Variants in NDFIP2 observed in about 807,000 individuals in gnomAD.
The protein encoded by NDFIP2 is Nedd4 family interacting protein 2.
In NDFIP2, 19 loss-of-function variants were observed where a neutral mutation model predicts 36.0. That is an observed-to-expected ratio of 0.53 (90% CI 0.37 to 0.77). NDFIP2 has a LOEUF of 0.77. Among genes scored for constraint, NDFIP2 ranks in the 30% least tolerant of loss-of-function variants. NDFIP2 has a pLI of 0.00. For missense variants in NDFIP2, 446 were observed against 435.8 expected, an observed-to-expected ratio of 1.02 and a Z score of -0.21; for synonymous variants, 181 against 167.7, an observed-to-expected ratio of 1.08 and a Z score of -0.61.
Position 79,533,021 on chromosome 13 carries a change from T to C in NDFIP2, c.488-302T>C, listed in dbSNP as rs148549884. Among the ~76,000 whole-genome samples, 319 of 152,334 alleles carry C rather than the reference T, an allele frequency of 2.1e-3. 2 individuals are homozygous for C. Among genetic ancestry groups the C allele is most frequent in the African/African-American group, 7.3e-3 (303 of 41,584 alleles). On this transcript the variant is annotated intron_variant, in intron 2 of 7. Coordinates refer to ENST00000218652, the MANE Select transcript of NDFIP2 (RefSeq NM_019080.3). ...CTAATAAGCACATAGAGAATACTCATATATTATGAGATTCTTACTTCTCTT... is the reference window on the plus strand; with the variant it reads ...CTAATAAGCACATAGAGAATACTCACATATTATGAGATTCTTACTTCTCTT...
chr13:79,529,103 T>C (rs1166926553), intron 2 of NDFIP2, among the ~76,000 whole-genome samples: 2 of 152,200 alleles, frequency 1.3e-5, no homozygotes. Context: ...ACAGCCCTGC[T>C]GTGTCAGTTT....
At chr13:79,486,203 TA>T (rs1872980059) in intron 1 of NDFIP2, among the ~76,000 whole-genome samples, 1 of 152,200 alleles carries the variant, frequency 6.6e-6, no homozygotes, top group Non-Finnish European at 1.5e-5. Flanking sequence ...GCATTTTAAA[TA>T]AGGGATACTC....
intron 1 of NDFIP2, among the ~76,000 whole-genome samples, chr13:79,495,531 A>G (rs1873403620): frequency 6.6e-6 from 1 of 151,768 alleles, no homozygotes; most frequent in South Asian, 2.1e-4. Flanking sequence ...GATGGCAAAA[A>G]CCACAATTAC....
intron 1 of NDFIP2, among the ~76,000 whole-genome samples, chr13:79,506,810 A>G (rs1356591316): frequency 6.6e-6 from 1 of 152,134 alleles, no homozygotes; most frequent in Non-Finnish European, 1.5e-5. Flanking sequence ...GCTATTTTAA[A>G]AAACAAAAAT....
chr13:79,555,709 TC>T lies in NDFIP2; in HGVS notation c.*3197del. The T allele has an allele frequency of 6.6e-6, 1 of 152,270 alleles. No individual in the cohort carries two copies. The highest frequency in any genetic ancestry group is 2.4e-5 in the African/African-American group (1 of 41,574). The allele number at this position is 152,270 out of a possible 1,614,324, so 9.4% of individuals were successfully genotyped here. A position where few individuals can be genotyped will look rare whatever the true frequency, so the allele number is the denominator to read the frequency against. ...GTTTATTATTTAATTCTTCAAATAG[TC>T]ATATGAAAACATATATTTGATAAAG... On this transcript the variant is annotated 3_prime_UTR_variant, in exon 8 of 8. Coordinates refer to ENST00000218652, the MANE Select transcript of NDFIP2 (RefSeq NM_019080.3).
chr13:79,501,633 C>T lies in NDFIP2; in HGVS notation c.322-19177C>T, dbSNP rs147467627. 4.6e-4 allele frequency among the ~76,000 whole-genome samples: 70 copies of T among 152,128 alleles called. 1 individual carries two copies. The East Asian group carries it at 0.012, about 27-fold the overall frequency. ...AAATTATGTGTTTAGATTTAGCGGCCAACTTTAGAGTTTTTGCTTTGGCAT... is the reference window on the plus strand; with the variant it reads ...AAATTATGTGTTTAGATTTAGCGGCTAACTTTAGAGTTTTTGCTTTGGCAT... On this transcript the variant is annotated intron_variant, in intron 1 of 7. Transcript: ENST00000218652.
intron 2 of NDFIP2, among the ~76,000 whole-genome samples, chr13:79,528,982 GTT>G (rs1368546157): frequency 2.6e-5 from 4 of 152,114 alleles, no homozygotes; most frequent in African/African-American, 7.2e-5. Flanking sequence ...TTTTTGGCTA[GTT>G]TTTATAGATC....
intron 1 of NDFIP2, among the ~76,000 whole-genome samples, chr13:79,516,165 C>T (rs997152852): frequency 6.6e-6 from 1 of 152,178 alleles, no homozygotes; most frequent in Non-Finnish European, 1.5e-5. Context: ...CTTGCCAGAT[C>T]ATCATCCAAA....
chr13:79,513,773 G>A (rs528749988), intron 1 of NDFIP2, among the ~76,000 whole-genome samples: 160 of 151,376 alleles, frequency 1.1e-3, no homozygotes, highest in African/African-American at 3.4e-3. Flanking sequence ...TGTTCAGATC[G>A]CATTGACCTA....
At chr13:79,539,997 A>G (rs1875394175) in intron 4 of NDFIP2, among the ~76,000 whole-genome samples, 3 of 152,222 alleles carry the variant, frequency 2.0e-5, no homozygotes, top group Admixed American at 1.3e-4. Flanking sequence ...CGTTGCAGCC[A>G]TTATGAAGAT....
chr13:79,516,433 G>C (rs1396519280), intron 1 of NDFIP2, among the ~76,000 whole-genome samples: 1 of 151,970 alleles, frequency 6.6e-6, no homozygotes, highest in Admixed American at 6.6e-5. Flanking sequence ...GTGTTGCCCA[G>C]GCTGGTCTTG....
In NDFIP2 at chr13:79,522,051, A is replaced by G. The variant is rs1276879011; in HGVS notation, c.487+1076A>G. On this transcript the variant is annotated intron_variant, in intron 2 of 7. Transcript: ENST00000218652. ...CACCATGTTAGCCAGGATGGTCTCT[A>G]TCTCCTGACCTCGTGATCCACCTGC... is the stretch of plus-strand genomic sequence containing the variant. 4.0e-5 allele frequency among the ~76,000 whole-genome samples: 6 copies of G among 151,732 alleles called. No homozygotes were observed. The East Asian group carries it at 1.2e-3, about 29-fold the overall frequency.
chr13:79,514,168 A>G (rs1400326209), intron 1 of NDFIP2, among the ~76,000 whole-genome samples: 1 of 152,142 alleles, frequency 6.6e-6, no homozygotes, highest in Non-Finnish European at 1.5e-5. Flanking sequence ...GTTGGTGCAA[A>G]AGTAATTGTG....
intron 2 of NDFIP2, among the ~76,000 whole-genome samples, chr13:79,530,184 C>T (rs925621664): frequency 1.3e-5 from 2 of 151,944 alleles, no homozygotes; most frequent in African/African-American, 4.8e-5. Context: ...AATTCAGTGG[C>T]GCTTTCATAG....
intron 1 of NDFIP2, among the ~76,000 whole-genome samples, chr13:79,502,989 A>T (rs2140746531): frequency 6.6e-6 from 1 of 152,210 alleles, no homozygotes; most frequent in South Asian, 2.1e-4. Context: ...GAATTTAAAG[A>T]AAAAACAATC....
intron 1 of NDFIP2, among the ~76,000 whole-genome samples, chr13:79,503,548 T>C (rs1357228251): frequency 6.6e-6 from 1 of 152,070 alleles, no homozygotes; most frequent in Non-Finnish European, 1.5e-5. Flanking sequence ...AAGGTTGGGA[T>C]AAGGAACCAA....
intron 1 of NDFIP2, 55 bp downstream of exon 1, chr13:79,481,579 A>T: frequency 6.7e-7 from 1 of 1,498,264 alleles, no homozygotes; most frequent in Non-Finnish European, 8.9e-7. Context: ...CGGCGTCCCG[A>T]GAGTCCCTTT....
chr13:79,481,281 TCTC>T lies in NDFIP2; in HGVS notation c.80_82del (p.Leu27del). 1 of 1,538,178 alleles carries T rather than the reference TCTC, an allele frequency of 6.5e-7. No individual in the cohort carries two copies. Among genetic ancestry groups the T allele is most frequent in the East Asian group, 2.4e-5 (1 of 40,846 alleles). On this transcript the variant is annotated inframe_deletion, in exon 1 of 8. Coordinates refer to ENST00000218652, the MANE Select transcript of NDFIP2 (RefSeq NM_019080.3). ...ATAGCGCGCGCGGCGCCCCGGAGCTTCTCCGCGGAACCGCGACCAACGCGGAGG... is the reference window on the plus strand; with the variant it reads ...ATAGCGCGCGCGGCGCCCCGGAGCTTCGCGGAACCGCGACCAACGCGGAGG...
At chr13:79,520,393 G>A (rs567330130) in intron 1 of NDFIP2, among the ~76,000 whole-genome samples, 62 of 152,184 alleles carry the variant, frequency 4.1e-4, no homozygotes, top group African/African-American at 1.4e-3. Context: ...CAGTCTCTCC[G>A]ATTTCAATAA....
Sources: allele counts gnomAD v4.1 joint callset (sites outside exome capture counted in the v4.1 genomes callset), GRCh38; gene constraint gnomAD v4.1.1; transcripts MANE v1.5; gene names NCBI Gene and HGNC (gene_info 2026-07-23, HGNC 2026-07-21).